The following DIAPH2 variants were observed in gnomAD, a reference collection of about 807,000 sequenced individuals.
DIAPH2 encodes the protein diaphanous related formin 2.
In DIAPH2, 35 loss-of-function variants were observed where a neutral mutation model predicts 92.7. The ratio of observed to expected loss-of-function variants is 0.38; its 90% CI spans 0.29 to 0.50. The LOEUF (loss-of-function observed/expected upper bound fraction) is 0.50, where lower values mean the gene tolerates loss of function less well. Among genes scored for constraint, DIAPH2 ranks in the 20% least tolerant of loss-of-function variants. The pLI is 0.94. For synonymous variants in DIAPH2, 301 were observed against 280.4 expected (o/e 1.07, Z -0.73); for missense variants, 701 against 819.5 (o/e 0.86, Z 1.77).
At chrX:97,330,085 T>TG (rs2068986263) in intron 23 of DIAPH2, among the ~76,000 whole-genome samples, 2 of 94,863 alleles carry the variant, frequency 2.1e-5, no homozygotes, top group Non-Finnish European at 2.1e-5. Context: ...GATTTGGTGT[T>TG]TGTGTGTGTG....
At chrX:96,820,523 G>A (rs1041641067) in intron 4 of DIAPH2, among the ~76,000 whole-genome samples, 1 of 112,274 alleles carries the variant, frequency 8.9e-6, no homozygotes, top group Non-Finnish European at 1.9e-5. Flanking sequence ...AATATTTGGA[G>A]AGCAGATTTA....
intron 22 of DIAPH2, among the ~76,000 whole-genome samples, chrX:97,160,712 G>C (rs936976041): frequency 3.6e-5 from 4 of 111,470 alleles, no homozygotes; most frequent in African/African-American, 9.8e-5. Context: ...TCAGGATCTT[G>C]GTCTTAAGTC....
At chrX:97,154,187 G>C (rs1362338022) in intron 22 of DIAPH2, among the ~76,000 whole-genome samples, 1 of 110,906 alleles carries the variant, frequency 9.0e-6, no homozygotes, top group Non-Finnish European at 1.9e-5. Context: ...TTTATAAAGG[G>C]CTAAGTGCCA....
intron 26 of DIAPH2, among the ~76,000 whole-genome samples, chrX:97,492,779 C>T (rs1363709570): frequency 8.9e-6 from 1 of 111,982 alleles, no homozygotes; most frequent in Non-Finnish European, 1.9e-5. Flanking sequence ...TTATTGAGGA[C>T]TCACTTTACA....
intron 26 of DIAPH2, among the ~76,000 whole-genome samples, chrX:97,496,674 T>C (rs1477477249): frequency 1.6e-4 from 17 of 103,575 alleles, no homozygotes; most frequent in Non-Finnish European, 3.2e-4. Context: ...TTTTTTTTTT[T>C]CCGAGACGGA....
intron 26 of DIAPH2, among the ~76,000 whole-genome samples, chrX:97,550,092 C>T (rs1370854733): frequency 1.8e-5 from 2 of 112,720 alleles, no homozygotes; most frequent in Non-Finnish European, 3.8e-5. Context: ...GGTGCAGTGG[C>T]TCACGCCTGT....
intron 17 of DIAPH2, among the ~76,000 whole-genome samples, chrX:97,023,227 G>T (rs1276757741): frequency 2.7e-5 from 3 of 111,225 alleles, no homozygotes; most frequent in African/African-American, 9.8e-5. Context: ...CTTTATCTTG[G>T]ATATTAGACT....
intron 22 of DIAPH2, among the ~76,000 whole-genome samples, chrX:97,161,296 G>T (rs2067370851): frequency 1.8e-5 from 2 of 110,411 alleles, no homozygotes; most frequent in Admixed American, 9.7e-5. Flanking sequence ...AATATTAGAT[G>T]GATTATATAT....
At chrX:97,202,297 A>C (rs1373907026) in intron 22 of DIAPH2, among the ~76,000 whole-genome samples, 1 of 111,772 alleles carries the variant, frequency 8.9e-6, no homozygotes, top group Non-Finnish European at 1.9e-5. Context: ...GACAGGATCA[A>C]ATTCACACAA....
At chrX:97,558,752 T>C (rs765039526) in intron 26 of DIAPH2, among the ~76,000 whole-genome samples, 18 of 111,885 alleles carry the variant, frequency 1.6e-4, no homozygotes, top group African/African-American at 5.8e-4. Context: ...AAGAGTGATA[T>C]TTCTTTCAAA....
intron 23 of DIAPH2, among the ~76,000 whole-genome samples, chrX:97,263,900 T>TTTATTTA (rs2068311402): frequency 2.1e-5 from 2 of 93,992 alleles, no homozygotes; most frequent in Non-Finnish European, 4.2e-5. Context: ...ACTGTTAGTT[T>TTTATTTA]TTTATTTATT....
At chrX:96,767,875 A>G (rs1023751266) in intron 4 of DIAPH2, among the ~76,000 whole-genome samples, 34 of 112,142 alleles carry the variant, frequency 3.0e-4, no homozygotes, top group African/African-American at 1.0e-3. Flanking sequence ...AAGATTTAAT[A>G]AAATAGTTGA....
intron 26 of DIAPH2, among the ~76,000 whole-genome samples, chrX:97,567,845 A>C (rs992711122): frequency 3.6e-5 from 4 of 111,100 alleles, no homozygotes; most frequent in African/African-American, 1.3e-4. Flanking sequence ...TATTGTTGCT[A>C]TAAAATTTAT....
intron 15 of DIAPH2, among the ~76,000 whole-genome samples, chrX:96,954,514 C>T (rs747632973): frequency 1.8e-5 from 2 of 112,018 alleles, no homozygotes; most frequent in African/African-American, 3.2e-5. Context: ...ATAATCCTAT[C>T]TATTTGAATT....
intron 22 of DIAPH2, among the ~76,000 whole-genome samples, chrX:97,168,210 G>A (rs1159767900): frequency 9.3e-6 from 1 of 107,676 alleles, no homozygotes; most frequent in South Asian, 4.2e-4. Flanking sequence ...TCAGCCTCCC[G>A]CTGTAGCTGG....
At chrX:96,992,028 T>A in intron 17 of DIAPH2, among the ~76,000 whole-genome samples, 1 of 111,145 alleles carries the variant, frequency 9.0e-6, no homozygotes, top group Non-Finnish European at 1.9e-5. Context: ...TCCCCTGGAA[T>A]ATATTATGCA....
intron 23 of DIAPH2, among the ~76,000 whole-genome samples, chrX:97,275,951 A>G (rs980342279): frequency 4.4e-5 from 5 of 112,470 alleles, no homozygotes; most frequent in Admixed American, 3.8e-4. Flanking sequence ...GGTTGTAGCT[A>G]GCCGAGATCA....
chrX:96,756,496 A>G (rs1013870628), intron 3 of DIAPH2, among the ~76,000 whole-genome samples: 5 of 112,031 alleles, frequency 4.5e-5, no homozygotes, highest in African/African-American at 1.6e-4. Context: ...ATTTCATTGT[A>G]TGATATGCCA....
intron 19 of DIAPH2, among the ~76,000 whole-genome samples, chrX:97,096,658 A>T (rs1276741752): frequency 9.0e-6 from 1 of 110,963 alleles, no homozygotes; most frequent in Non-Finnish European, 1.9e-5. Context: ...AAAGTATGGG[A>T]ACATGTATTT....
Sources: allele counts gnomAD v4.1 joint callset (sites outside exome capture counted in the v4.1 genomes callset), GRCh38; gene constraint gnomAD v4.1.1; transcripts MANE v1.5; gene names NCBI Gene and HGNC (gene_info 2026-07-23, HGNC 2026-07-21).